The following SPMIP2 variants were observed in gnomAD, a reference collection of about 807,000 sequenced individuals.
The protein encoded by SPMIP2 is sperm microtubule inner protein 2, also known as protein SPMIP2.
chr4:159,002,652 T>G, the SPMIP2 span, among the ~76,000 whole-genome samples: 3 of 152,336 alleles, frequency 2.0e-5, no homozygotes, highest in East Asian at 1.9e-4. Context: ...AGAAGAGATA[T>G]GAAGTTCAAT....
At chr4:158,992,017 G>C in the SPMIP2 span, among the ~76,000 whole-genome samples, 4 of 152,224 alleles carry the variant, frequency 2.6e-5, no homozygotes, top group East Asian at 7.7e-4. Flanking sequence ...TCAGCCTCTC[G>C]AGTAGCTAGG....
the SPMIP2 span, among the ~76,000 whole-genome samples, chr4:158,955,244 A>T: frequency 1.3e-5 from 2 of 152,236 alleles, no homozygotes; most frequent in African/African-American, 4.8e-5. Context: ...CATCTGTTAC[A>T]TCTATCTGCC....
At chr4:158,977,631 T>C in the SPMIP2 span, among the ~76,000 whole-genome samples, 1 of 144,880 alleles carries the variant, frequency 6.9e-6, no homozygotes, top group African/African-American at 2.6e-5. Flanking sequence ...TTTTTTCTCT[T>C]TGAGACGGAG....
the SPMIP2 span, among the ~76,000 whole-genome samples, chr4:158,956,078 A>G: frequency 6.6e-6 from 1 of 152,146 alleles, no homozygotes; most frequent in African/African-American, 2.4e-5. Flanking sequence ...TCTTCCTCTC[A>G]AAATTCTTCA....
the SPMIP2 span, among the ~76,000 whole-genome samples, chr4:158,931,984 C>T: frequency 1 from 152,017 of 152,220 alleles, 75,908 homozygotes; most frequent in East Asian, 1. Context: ...ATATTTATAA[C>T]AGCTGATTTA....
the SPMIP2 span, among the ~76,000 whole-genome samples, chr4:159,014,577 T>C: frequency 1.3e-5 from 2 of 152,218 alleles, no homozygotes; most frequent in Non-Finnish European, 2.9e-5. Context: ...TAGTTACATA[T>C]GTATACAAAT....
chr4:158,980,573 G>A, the SPMIP2 span, among the ~76,000 whole-genome samples: 1 of 152,230 alleles, frequency 6.6e-6, no homozygotes. Context: ...AGGGTCTGGA[G>A]TGGACCTCCA....
the SPMIP2 span, among the ~76,000 whole-genome samples, chr4:159,038,342 C>T: frequency 7.2e-5 from 11 of 152,102 alleles, no homozygotes; most frequent in Admixed American, 7.2e-4. Flanking sequence ...TTCAATATGA[C>T]AGGTAAGAAA....
chr4:159,081,902 G>T, the SPMIP2 span, among the ~76,000 whole-genome samples: 518 of 152,092 alleles, frequency 3.4e-3, 3 homozygotes, highest in African/African-American at 0.012. Flanking sequence ...GTCAAGGAGG[G>T]CCTGGAATTC....
chr4:158,946,174 G>T, the SPMIP2 span, among the ~76,000 whole-genome samples: 1 of 152,280 alleles, frequency 6.6e-6, no homozygotes, highest in Admixed American at 6.5e-5. Flanking sequence ...ATTCTGAAAT[G>T]AACTGATTTT....
At chr4:159,013,370 C>A in the SPMIP2 span, among the ~76,000 whole-genome samples, 1 of 152,212 alleles carries the variant, frequency 6.6e-6, no homozygotes, top group South Asian at 2.1e-4. Flanking sequence ...TTCCCTAGGG[C>A]TGCCATAAGA....
chr4:158,944,261 C>T, the SPMIP2 span, among the ~76,000 whole-genome samples: 1 of 152,052 alleles, frequency 6.6e-6, no homozygotes. Flanking sequence ...CTTCCCCTCC[C>T]TCTTCCCCTA....
chr4:159,018,518 T>C, the SPMIP2 span, among the ~76,000 whole-genome samples: 2 of 152,208 alleles, frequency 1.3e-5, no homozygotes, highest in Admixed American at 6.5e-5. Context: ...ATAGGCAATA[T>C]GTACTGATTA....
the SPMIP2 span, among the ~76,000 whole-genome samples, chr4:158,896,022 T>C: frequency 2.6e-5 from 4 of 152,210 alleles, no homozygotes; most frequent in Non-Finnish European, 4.4e-5. Context: ...AACTCCCCAA[T>C]GAACAGCATG....
At chr4:158,980,452 G>C in the SPMIP2 span, among the ~76,000 whole-genome samples, 3 of 152,314 alleles carry the variant, frequency 2.0e-5, no homozygotes, top group Non-Finnish European at 4.4e-5. Flanking sequence ...TTGTAGAGGA[G>C]AGCCCTGGCT....
chr4:158,923,650 A>G, the SPMIP2 span, among the ~76,000 whole-genome samples: 12 of 152,304 alleles, frequency 7.9e-5, no homozygotes, highest in East Asian at 2.3e-3. Flanking sequence ...AGATCATGTT[A>G]TCAGCAACTA....
chr4:158,977,279 A>G, the SPMIP2 span, among the ~76,000 whole-genome samples: 1 of 152,116 alleles, frequency 6.6e-6, no homozygotes, highest in Admixed American at 6.5e-5. Flanking sequence ...AGAACTTGTT[A>G]TTGGTCTGTT....
chr4:159,004,558 T>C, the SPMIP2 span, among the ~76,000 whole-genome samples: 2 of 152,140 alleles, frequency 1.3e-5, no homozygotes, highest in African/African-American at 4.8e-5. Flanking sequence ...CCCAAAGTGC[T>C]GGGATTACAG....
At chr4:159,024,341 C>G in the SPMIP2 span, among the ~76,000 whole-genome samples, 2 of 152,060 alleles carry the variant, frequency 1.3e-5, no homozygotes, top group Admixed American at 1.3e-4. Context: ...TTAATAGGCA[C>G]GGTGAAAGGT....
Sources: gnomAD v4.1 joint callset for allele counts (sites outside exome capture counted in the v4.1 genomes callset) on GRCh38, gnomAD v4.1.1 for gene constraint, MANE v1.5 for transcripts, NCBI Gene and HGNC (gene_info 2026-07-23, HGNC 2026-07-21) for gene names.